Variants in OSBPL10 observed in about 807,000 individuals in gnomAD.
OSBPL10 encodes the protein oxysterol binding protein like 10.
Under a neutral mutation model 81.7 loss-of-function variants are expected in OSBPL10, and 49 were observed. The ratio of observed to expected loss-of-function variants is 0.60; its 90% confidence interval spans 0.48 to 0.76. The LOEUF (loss-of-function observed/expected upper bound fraction) is 0.76, where lower values mean the gene tolerates loss of function less well. OSBPL10 is among the 30% of genes least tolerant of loss of function. The pLI, the probability that OSBPL10 is intolerant of heterozygous loss-of-function variation, is 0.00. For missense variants in OSBPL10, 923 were observed against 987.8 expected, an observed-to-expected ratio of 0.93 and a Z score of 0.88; for synonymous variants, 419 against 383.6, an observed-to-expected ratio of 1.09 and a Z score of -1.08.
intron 1 of OSBPL10, among the ~76,000 whole-genome samples, chr3:31,907,433 C>T (rs1031900493): frequency 3.3e-5 from 5 of 151,856 alleles, no homozygotes; most frequent in Admixed American, 2.0e-4. Flanking sequence ...TCAAGATCAG[C>T]CTGGCCAACA....
chr3:31,931,226 C>A (rs192639135), intron 1 of OSBPL10, among the ~76,000 whole-genome samples: 22 of 152,062 alleles, frequency 1.4e-4, no homozygotes, highest in African/African-American at 5.1e-4. Context: ...GTAATACCTA[C>A]TAAAAAATGA....
At chr3:31,989,799 T>C in intron 2 of OSBPL10, 3 of 1,614,170 alleles carry the variant, frequency 1.9e-6, no homozygotes, top group South Asian at 1.1e-5. Flanking sequence ...AAGCCTTTAA[T>C]TGTAGCTCAC....
intron 4 of OSBPL10, among the ~76,000 whole-genome samples, chr3:31,757,466 C>G (rs1697921605): frequency 6.6e-6 from 1 of 152,134 alleles, no homozygotes; most frequent in Admixed American, 6.5e-5. Context: ...TCTCATGGTG[C>G]TCAGAAGGCA....
chr3:31,905,699 AGAG>A (rs780741674), intron 1 of OSBPL10, among the ~76,000 whole-genome samples: 3 of 152,154 alleles, frequency 2.0e-5, no homozygotes, highest in South Asian at 2.1e-4. Context: ...GCCTAGTGAG[AGAG>A]GAGGACAAAG....
At chr3:31,698,568 T>C (rs2125584693) in intron 7 of OSBPL10, among the ~76,000 whole-genome samples, 1 of 152,302 alleles carries the variant, frequency 6.6e-6, no homozygotes, top group South Asian at 2.1e-4. Flanking sequence ...CACAATATCC[T>C]AAACGGCCCT....
chr3:31,780,374 G>C (rs969116508), intron 4 of OSBPL10, among the ~76,000 whole-genome samples: 3 of 151,648 alleles, frequency 2.0e-5, no homozygotes, highest in African/African-American at 7.3e-5. Context: ...AAATTTGAAA[G>C]AGCACAAATA....
chr3:31,801,589 T>C (rs1488111968), intron 4 of OSBPL10, among the ~76,000 whole-genome samples: 1 of 152,062 alleles, frequency 6.6e-6, no homozygotes, highest in Non-Finnish European at 1.5e-5. Flanking sequence ...AGGAACCAAA[T>C]CTCTAGCTGT....
chr3:31,883,522 G>C (rs145083300), intron 1 of OSBPL10, among the ~76,000 whole-genome samples: 118 of 147,546 alleles, frequency 8.0e-4, no homozygotes, highest in African/African-American at 2.8e-3. Flanking sequence ...TTACAGGCAT[G>C]AGCCTGTTTT....
Position 31,662,128 on chromosome 3 carries a change from G to T in OSBPL10, c.2251-12C>A. On this transcript the variant is annotated splice_polypyrimidine_tract_variant and intron_variant, in intron 11 of 11. Transcript: ENST00000396556. ...ACCCAGCCATCGCCCTGCAAGAGAA[G>T]AAAGGAGGCATTATTACATGGAGAC... The T allele has an allele frequency of 6.2e-7, 1 of 1,614,000 alleles. No homozygotes were observed. Among genetic ancestry groups the T allele is most frequent in the East Asian group, 2.2e-5 (1 of 44,864 alleles).
chr3:31,927,453 T>C (rs1697107404), intron 1 of OSBPL10, among the ~76,000 whole-genome samples: 1 of 152,232 alleles, frequency 6.6e-6, no homozygotes, highest in Admixed American at 6.5e-5. Flanking sequence ...CTTGGTAAAT[T>C]TTCCAGATAA....
chr3:31,772,603 C>CCACTG (rs1012760469), intron 4 of OSBPL10, among the ~76,000 whole-genome samples: 5 of 152,186 alleles, frequency 3.3e-5, no homozygotes, highest in Admixed American at 6.5e-5. Flanking sequence ...TGAGCTTCTT[C>CCACTG]CACTGCACTG....
chr3:31,769,452 A>AAC lies in OSBPL10; in HGVS notation c.730-21333_730-21332insGT, dbSNP rs1448229285. Among the ~76,000 whole-genome samples, 12 of 86,728 alleles carry AAC rather than the reference A, an allele frequency of 1.4e-4. 3 individuals are homozygous for AAC. The highest frequency in any genetic ancestry group is 4.2e-4 in the East Asian group (1 of 2,384). 56.9% of individuals were successfully genotyped at this position (86,728 alleles called of 152,430 possible). A position where few individuals can be genotyped will look rare whatever the true frequency, so the allele number is the denominator to read the frequency against. Reference sequence around the variant, plus strand: ...AAGAGCAAAACTCCATCTCAAAAAAAAAAAAACAAAAAAAAAACAAAAAAA... The same window carrying AAC: ...AAGAGCAAAACTCCATCTCAAAAAAAACAAAAAACAAAAAAAAAACAAAAAAA... On this transcript the variant is annotated intron_variant, in intron 4 of 11. Transcript: ENST00000396556.
intron 4 of OSBPL10, among the ~76,000 whole-genome samples, chr3:31,819,697 G>T (rs770144883): frequency 2.0e-5 from 3 of 152,218 alleles, no homozygotes; most frequent in South Asian, 2.1e-4. Flanking sequence ...CCCTGGGCCA[G>T]AATCAACCAC....
intron 2 of OSBPL10, among the ~76,000 whole-genome samples, chr3:32,001,513 GTT>G (rs1699146949): frequency 6.6e-6 from 1 of 152,132 alleles, no homozygotes; most frequent in Non-Finnish European, 1.5e-5. Context: ...CATGCCAAGG[GTT>G]TTATTCAACT....
chr3:31,830,457 C>T (rs970624156), intron 3 of OSBPL10, among the ~76,000 whole-genome samples: 1 of 152,188 alleles, frequency 6.6e-6, no homozygotes, highest in Non-Finnish European at 1.5e-5. Context: ...TGCTTCCTGT[C>T]CTACGCTATG....
chr3:32,011,182 G>C (rs1575085175), intron 2 of OSBPL10, among the ~76,000 whole-genome samples: 1 of 152,216 alleles, frequency 6.6e-6, no homozygotes, highest in South Asian at 2.1e-4. Context: ...CTAACTGGGA[G>C]GCACCCCCCA....
At chr3:31,758,617 G>A (rs1257675137) in intron 4 of OSBPL10, among the ~76,000 whole-genome samples, 1 of 152,166 alleles carries the variant, frequency 6.6e-6, no homozygotes, top group East Asian at 1.9e-4. Context: ...AGTGGTTCTG[G>A]CCAGTCTATG....
At chr3:31,793,442 G>T (rs930266605) in intron 4 of OSBPL10, among the ~76,000 whole-genome samples, 2 of 152,200 alleles carry the variant, frequency 1.3e-5, no homozygotes, top group Non-Finnish European at 2.9e-5. Context: ...AATTTAATTA[G>T]CAGTAAGTGT....
chr3:31,958,608 T>C (rs1231075880), intron 1 of OSBPL10, among the ~76,000 whole-genome samples: 1 of 152,204 alleles, frequency 6.6e-6, no homozygotes, highest in Non-Finnish European at 1.5e-5. Context: ...ATGTCAACTT[T>C]TCAATAACAC....
Sources: allele counts gnomAD v4.1 joint callset (sites outside exome capture counted in the v4.1 genomes callset), GRCh38; gene constraint gnomAD v4.1.1; transcripts MANE v1.5; gene names NCBI Gene and HGNC (gene_info 2026-07-23, HGNC 2026-07-21).